ST6GALNAC5: variants seen among roughly 807,000 people sequenced by gnomAD.
The protein encoded by ST6GALNAC5 is alpha-N-acetylgalactosaminide alpha-2,6-sialyltransferase 5.
In ST6GALNAC5, 27 loss-of-function variants were observed where a neutral mutation model predicts 33.6. That is an observed-to-expected ratio of 0.80 (90% confidence interval 0.59 to 1.11). The LOEUF (loss-of-function observed/expected upper bound fraction) is 1.11. Ranked by LOEUF, ST6GALNAC5 falls within the 50% of genes least tolerant of loss-of-function variation. The pLI, the probability that ST6GALNAC5 is intolerant of heterozygous loss-of-function variation, is 0.00. For synonymous variants in ST6GALNAC5, 194 were observed against 171.2 expected (o/e 1.13, Z -1.04); for missense variants, 428 against 454.0 (o/e 0.94, Z 0.52).
chr1:77,045,228 G>A (rs1165699967), intron 3 of ST6GALNAC5, among the ~76,000 whole-genome samples: 1 of 152,216 alleles, frequency 6.6e-6, no homozygotes, highest in African/African-American at 2.4e-5. Context: ...ATGTAGTGAG[G>A]CACTGAAAGA....
chr1:76,899,238 A>G (rs1646790112), intron 2 of ST6GALNAC5, among the ~76,000 whole-genome samples: 1 of 151,912 alleles, frequency 6.6e-6, no homozygotes, highest in South Asian at 2.1e-4. Flanking sequence ...GCTAAGGGAG[A>G]AGAAGGAGGA....
intron 2 of ST6GALNAC5, among the ~76,000 whole-genome samples, chr1:76,920,216 G>A (rs867069774): frequency 1.4e-4 from 22 of 152,266 alleles, no homozygotes; most frequent in Admixed American, 5.9e-4. Flanking sequence ...CTGGGCTTTT[G>A]AAGTGCTGGT....
intron 2 of ST6GALNAC5, among the ~76,000 whole-genome samples, chr1:77,016,575 G>C (rs991037286): frequency 6.6e-6 from 1 of 151,804 alleles, no homozygotes; most frequent in South Asian, 2.1e-4. Context: ...TCTGATCAAA[G>C]TCACTTGGTG....
chr1:77,016,116 CTCTCCT>C, intron 2 of ST6GALNAC5, among the ~76,000 whole-genome samples: 1 of 144,418 alleles, frequency 6.9e-6, no homozygotes, highest in African/African-American at 2.6e-5. Context: ...TATCTCCTCC[CTCTCCT>C]CCTCCTGTAT....
At chr1:76,892,839 G>T (rs1211780674) in intron 2 of ST6GALNAC5, among the ~76,000 whole-genome samples, 1 of 152,130 alleles carries the variant, frequency 6.6e-6, no homozygotes, top group Non-Finnish European at 1.5e-5. Context: ...TTGCACCTCA[G>T]CCTGTCCAAT....
At chr1:77,027,801 A>G (rs1651303822) in intron 2 of ST6GALNAC5, among the ~76,000 whole-genome samples, 1 of 152,186 alleles carries the variant, frequency 6.6e-6, no homozygotes, top group Non-Finnish European at 1.5e-5. Flanking sequence ...GGAAAATCTC[A>G]TTAGGAATTG....
chr1:77,002,002 C>G (rs562995267), intron 2 of ST6GALNAC5, among the ~76,000 whole-genome samples: 1 of 152,280 alleles, frequency 6.6e-6, no homozygotes, highest in Admixed American at 6.5e-5. Context: ...ATGCTGGCCT[C>G]ATAAAATGAG....
intron 2 of ST6GALNAC5, among the ~76,000 whole-genome samples, chr1:76,958,437 A>G (rs1648092459): frequency 6.6e-6 from 1 of 152,076 alleles, no homozygotes; most frequent in Non-Finnish European, 1.5e-5. Flanking sequence ...CTAAAGTTTT[A>G]TATTGACTTT....
chr1:76,867,814 G>A, intron 1 of ST6GALNAC5, 124 bp downstream of exon 1: 1 of 1,383,334 alleles, frequency 7.2e-7, no homozygotes, highest in East Asian at 2.3e-5. Context: ...GTTACAAAGG[G>A]ACAACTTTCT....
chr1:76,874,236 C>T (rs1041307514), intron 2 of ST6GALNAC5, among the ~76,000 whole-genome samples: 3 of 152,254 alleles, frequency 2.0e-5, no homozygotes, highest in African/African-American at 7.2e-5. Flanking sequence ...AAAGCAACTT[C>T]AAAGTGGCTT....
intron 2 of ST6GALNAC5, among the ~76,000 whole-genome samples, chr1:76,936,609 G>T (rs1647205961): frequency 6.6e-6 from 1 of 152,028 alleles, no homozygotes; most frequent in Non-Finnish European, 1.5e-5. Context: ...ATTTGAAGGA[G>T]AAGAAATATT....
At chr1:76,907,673 G>A (rs139025453) in intron 2 of ST6GALNAC5, among the ~76,000 whole-genome samples, 24 of 152,126 alleles carry the variant, frequency 1.6e-4, no homozygotes, top group African/African-American at 5.1e-4. Flanking sequence ...AAGGGTCCAC[G>A]TTCCCCTATC....
intron 2 of ST6GALNAC5, among the ~76,000 whole-genome samples, chr1:76,976,240 A>G (rs891553754): frequency 5.3e-5 from 8 of 152,202 alleles, no homozygotes; most frequent in Non-Finnish European, 7.3e-5. Flanking sequence ...GTGCTTTATA[A>G]TAATTCATGG....
chr1:77,062,415 T>A lies in ST6GALNAC5; in HGVS notation c.780-560T>A, dbSNP rs192182481. On this transcript the variant is annotated intron_variant, in intron 4 of 4. Coordinates refer to ENST00000477717, the MANE Select transcript of ST6GALNAC5 (RefSeq NM_030965.3). ...GGGTATTCCAGGCAAGTGACCACCA[T>A]CAAGTGCAAAGGCCCTGAAGTAGGG... is the stretch of plus-strand genomic sequence containing the variant. Among the ~76,000 whole-genome samples, 3 of 152,226 alleles carry A rather than the reference T, an allele frequency of 2.0e-5. No individual in the cohort carries two copies. The East Asian group carries it at 5.8e-4, about 29-fold the overall frequency.
rs183566144 is a variant in ST6GALNAC5 at position 76,914,043 on chromosome 1, C to A, written c.261+45301C>A. Among the ~76,000 whole-genome samples the A allele has an allele frequency of 2.7e-3, 410 of 152,210 alleles. 4 individuals are homozygous for A. Among genetic ancestry groups the A allele is most frequent in the Admixed American group, 0.023 (354 of 15,270 alleles). On this transcript the variant is annotated intron_variant, in intron 2 of 4. Transcript: ENST00000477717. ...CAAAAATCACAAGCATTCTTATACA[C>A]CAATAACAGACAGAGAGCCAAATCA...
chr1:76,921,102 T>G (rs1278080267), intron 2 of ST6GALNAC5, among the ~76,000 whole-genome samples: 2 of 152,036 alleles, frequency 1.3e-5, no homozygotes, highest in African/African-American at 4.8e-5. Flanking sequence ...AGACTGGTAG[T>G]AGGAACAAAT....
intron 2 of ST6GALNAC5, among the ~76,000 whole-genome samples, chr1:77,028,287 A>G (rs1651323129): frequency 6.6e-6 from 1 of 152,200 alleles, no homozygotes. Context: ...TGAAAAACCG[A>G]AACAAAACTT....
At chr1:77,011,230 C>T (rs1471155897) in intron 2 of ST6GALNAC5, among the ~76,000 whole-genome samples, 2 of 152,158 alleles carry the variant, frequency 1.3e-5, no homozygotes, top group Admixed American at 1.3e-4. Context: ...ACACTGCCTC[C>T]CCAAGCAGCA....
chr1:76,879,086 C>G (rs531259889), intron 2 of ST6GALNAC5, among the ~76,000 whole-genome samples: 2 of 152,280 alleles, frequency 1.3e-5, no homozygotes, highest in African/African-American at 4.8e-5. Context: ...AACATAAGTG[C>G]TGCCCTCATA....
Sources: allele counts gnomAD v4.1 joint callset (sites outside exome capture counted in the v4.1 genomes callset), GRCh38; gene constraint gnomAD v4.1.1; transcripts MANE v1.5; gene names NCBI Gene and HGNC (gene_info 2026-07-23, HGNC 2026-07-21).